The following ILDR2 variants were observed in gnomAD, a reference collection of about 807,000 sequenced individuals.
The protein encoded by ILDR2 is immunoglobulin like domain containing receptor 2.
Under a neutral mutation model 66.8 loss-of-function variants are expected in ILDR2, and 25 were observed. The observed-to-expected ratio is 0.37, with a 90% CI of 0.27 to 0.52. The LOEUF (loss-of-function observed/expected upper bound fraction) is 0.52, where lower values mean the gene tolerates loss of function less well. Ranked by LOEUF, ILDR2 falls within the 20% of genes least tolerant of loss-of-function variation. ILDR2 has a pLI of 0.88. For synonymous variants in ILDR2, 367 were observed against 357.2 expected (o/e 1.03, Z -0.31); for missense variants, 827 against 876.8 (o/e 0.94, Z 0.72).
At chr1:166,971,291 T>C (rs887510857) in intron 1 of ILDR2, among the ~76,000 whole-genome samples, 1 of 152,218 alleles carries the variant, frequency 6.6e-6, no homozygotes, top group East Asian at 1.9e-4. Context: ...TCACTGACTA[T>C]TCATGAACAA....
In ILDR2 at chr1:166,936,740, G is replaced by A. The variant is rs112724349; in HGVS notation, c.557-3C>T. ...CACCAGGCCAACAAACACCCACTCT[G>A]GAAGGATGCACAAAGAAATCCACAC... On this transcript the variant is annotated splice_region_variant and splice_polypyrimidine_tract_variant and intron_variant, in intron 4 of 9. Coordinates refer to ENST00000271417, the MANE Select transcript of ILDR2 (RefSeq NM_199351.3). The surrounding 1 kb of genome is among the most constrained non-coding windows in gnomAD (Gnocchi z 5.0). 2.2e-4 allele frequency: 361 copies of A among 1,614,030 alleles called. 1 individual carries two copies. The African/African-American group carries it at 4.3e-3, about 19-fold the overall frequency.
In ILDR2 at chr1:166,935,484, A is replaced by C; in HGVS notation, c.704-7T>G. On this transcript the variant is annotated splice_region_variant and splice_polypyrimidine_tract_variant and intron_variant, in intron 5 of 9. Coordinates refer to ENST00000271417, the MANE Select transcript of ILDR2 (RefSeq NM_199351.3). ...GCTTTCCCTGCTTCATACACTGTGGAGGGAGATCAAGAGCAAGAGAGATTA... is the reference window on the plus strand; with the variant it reads ...GCTTTCCCTGCTTCATACACTGTGGCGGGAGATCAAGAGCAAGAGAGATTA... The C allele has an allele frequency of 1.3e-6, 2 of 1,564,062 alleles. No individual in the cohort carries two copies. Among genetic ancestry groups the C allele is most frequent in the Non-Finnish European group, 1.7e-6 (2 of 1,157,100 alleles).
chr1:166,935,350 C>T lies in ILDR2; in HGVS notation c.831G>A (p.Pro277=), dbSNP rs528461366. Residue 277 remains proline, a synonymous_variant, in exon 6 of 10, where the codon CCG becomes CCA. Coordinates refer to ENST00000271417, the MANE Select transcript of ILDR2 (RefSeq NM_199351.3). ...CACTTGGTGCCAAGGGAGGTGGATGCGGCTTGTCCATCAGCATGCCAGATG... is the reference window on the plus strand; with the variant it reads ...CACTTGGTGCCAAGGGAGGTGGATGTGGCTTGTCCATCAGCATGCCAGATG... The part of the protein sequence containing the change: ...APSSGMLMDK[P]HPPPLAPSDS... 3.0e-5 allele frequency: 49 copies of T among 1,613,996 alleles called. No individual in the cohort carries two copies. The South Asian group carries it at 3.2e-4, about 10-fold the overall frequency.
intron 7 of ILDR2, among the ~76,000 whole-genome samples, chr1:166,924,932 C>G (rs761594296): frequency 6.6e-6 from 1 of 152,056 alleles, no homozygotes; most frequent in African/African-American, 2.4e-5. Flanking sequence ...GGAAGGATCC[C>G]TTGAGCCCAG....
At position 166,951,824 on chromosome 1, in the gene ILDR2, T is replaced by C. The variant is rs534879939; in HGVS notation, c.499+4909A>G. Among the ~76,000 whole-genome samples the C allele has an allele frequency of 1.4e-4, 21 of 152,318 alleles. No individual in the cohort carries two copies. In the South Asian group the frequency reaches 4.4e-3, roughly 32 times the overall value. On this transcript the variant is annotated intron_variant, in intron 3 of 9. Coordinates refer to ENST00000271417, the MANE Select transcript of ILDR2 (RefSeq NM_199351.3). The stretch of plus-strand genomic sequence containing the variant: ...ATTAAAAGTTCATCAGAGGAGTTTC[T>C]TATAATTTCCCTCAACCATCCATAG...
chr1:166,920,194 T>C (rs1659823085), intron 9 of ILDR2, among the ~76,000 whole-genome samples: 1 of 152,154 alleles, frequency 6.6e-6, no homozygotes, highest in Non-Finnish European at 1.5e-5. Context: ...AGGACAGACA[T>C]GAGTTGTCCT....
At position 166,911,959 on chromosome 1, in the gene ILDR2, T is replaced by C. The variant is rs1172879369; in HGVS notation, c.*7396A>G. ...AGAGTTTAAAAAGAAGAGGAAATAT[T>C]TGATGTGTTAATATAGCTGAGAGTT... is the stretch of plus-strand genomic sequence containing the variant. On this transcript the variant is annotated 3_prime_UTR_variant, in exon 10 of 10. Transcript: ENST00000271417. 3.9e-5 allele frequency: 6 copies of C among 152,050 alleles called. No homozygotes were observed. The highest frequency in any genetic ancestry group is 7.4e-5 in the Non-Finnish European group (5 of 67,986). 9.4% of individuals were successfully genotyped at this position (152,050 alleles called of 1,614,324 possible).
intron 3 of ILDR2, among the ~76,000 whole-genome samples, chr1:166,955,602 C>T (rs895835823): frequency 2.0e-5 from 3 of 151,806 alleles, no homozygotes; most frequent in Non-Finnish European, 4.4e-5. Flanking sequence ...GACTCTGTCT[C>T]AAAAATAAAA....
At chr1:166,970,847 G>A (rs935939064) in intron 1 of ILDR2, among the ~76,000 whole-genome samples, 5 of 152,178 alleles carry the variant, frequency 3.3e-5, no homozygotes, top group Non-Finnish European at 7.3e-5. Flanking sequence ...CTAAAGTGAC[G>A]AAAGAAGATG....
intron 3 of ILDR2, among the ~76,000 whole-genome samples, chr1:166,946,952 AATG>A (rs1661647319): frequency 6.6e-6 from 1 of 152,206 alleles, no homozygotes; most frequent in South Asian, 2.1e-4. Flanking sequence ...AACCGGAAAA[AATG>A]ATCACTGAAT....
chr1:166,916,560 A>C lies in ILDR2; in HGVS notation c.*2795T>G, dbSNP rs1659652522. 1 of 152,268 alleles carries C rather than the reference A, an allele frequency of 6.6e-6. No individual in the cohort carries two copies. Among genetic ancestry groups the C allele is most frequent in the Middle Eastern group, 3.1e-3 (1 of 318 alleles). The allele number at this position is 152,268 out of a possible 1,614,324, so 9.4% of individuals were successfully genotyped here. On this transcript the variant is annotated 3_prime_UTR_variant, in exon 10 of 10. Coordinates refer to ENST00000271417, the MANE Select transcript of ILDR2 (RefSeq NM_199351.3). ...TGCAGGACACACTATTCAAAGGAGA[A>C]GAAACAAAAGGACACATAGAGGAAA... is the stretch of plus-strand genomic sequence containing the variant.
chr1:166,919,368 G>C lies in ILDR2; in HGVS notation c.1907C>G (p.Ser636Cys), dbSNP rs1256253720. 1.2e-6 allele frequency: 2 copies of C among 1,610,164 alleles called. No homozygotes were observed. Among genetic ancestry groups the C allele is most frequent in the Non-Finnish European group, 1.7e-6 (2 of 1,176,842 alleles). ...KKTNDFPTRM[S>C]LVV Reference sequence around the variant, plus strand: ...ATGTTGACAACATCAGACCACAAGGGACATCCTGGTTGGAAAGTCATTCTA... The same window carrying C: ...ATGTTGACAACATCAGACCACAAGGCACATCCTGGTTGGAAAGTCATTCTA... Residue 636 changes from serine to cysteine, a missense_variant, in exon 10 of 10, where the codon TCC (serine) becomes TGC (cysteine). By Grantham distance (112) the Ser-to-Cys change is moderately radical. This residue lies in a region of ILDR2 where 390 missense variants were observed against 353.6 expected (regional missense o/e 1.10). Transcript: ENST00000271417.
rs1557921409 is a variant in ILDR2 at position 166,909,783 on chromosome 1, ATATATATAT to A, written c.*9563_*9571del. 3.8e-5 allele frequency: 3 copies of A among 79,438 alleles called. No homozygotes were observed. The highest frequency in any genetic ancestry group is 7.6e-5 in the Non-Finnish European group (3 of 39,614). 4.9% of individuals were successfully genotyped at this position (79,438 alleles called of 1,614,324 possible). On this transcript the variant is annotated 3_prime_UTR_variant, in exon 10 of 10. Coordinates refer to ENST00000271417, the MANE Select transcript of ILDR2 (RefSeq NM_199351.3). ...TAAATATATATAAATATATATATTT[ATATATATAT>A]ATATATATATATATCCTTCTAGCTT...
At chr1:166,954,034 T>C (rs1662133295) in intron 3 of ILDR2, among the ~76,000 whole-genome samples, 1 of 152,234 alleles carries the variant, frequency 6.6e-6, no homozygotes, top group Non-Finnish European at 1.5e-5. Context: ...TTCTCTCTTC[T>C]ATATAATTTC....
chr1:166,900,586 G>C (rs1294572895), intron 2 of ILDR2, among the ~76,000 whole-genome samples: 2 of 152,148 alleles, frequency 1.3e-5, no homozygotes, highest in African/African-American at 4.8e-5. Context: ...TCAAAGATGG[G>C]TAAACCACAG....
chr1:166,935,671 C>G lies in ILDR2; in HGVS notation c.704-194G>C, dbSNP rs530740196. Among the ~76,000 whole-genome samples, 32 of 152,282 alleles carry G rather than the reference C, an allele frequency of 2.1e-4. No homozygotes were observed. In the South Asian group the frequency reaches 6.4e-3, roughly 31 times the overall value. On this transcript the variant is annotated intron_variant, in intron 5 of 9. Coordinates refer to ENST00000271417, the MANE Select transcript of ILDR2 (RefSeq NM_199351.3). ...CACTCCCTCGGACTCTCCAGCTCCA[C>G]CAAACGGCAACGACAAAAGGAATTA... is the stretch of plus-strand genomic sequence containing the variant.
intron 2 of ILDR2, 31 bp from the exon 3 acceptor site, chr1:166,956,883 A>C: frequency 6.2e-7 from 1 of 1,609,836 alleles, no homozygotes; most frequent in East Asian, 2.2e-5. Context: ...ACTCAGTCCT[A>C]AAACTCTGTC....
intron 1 of ILDR2, among the ~76,000 whole-genome samples, chr1:166,970,487 T>C (rs1663220002): frequency 6.6e-6 from 1 of 152,182 alleles, no homozygotes; most frequent in Non-Finnish European, 1.5e-5. Flanking sequence ...AAGTTAACTT[T>C]AAAAATCACC....
rs1557921369 is a variant in ILDR2, at chr1:166,909,779, ATTT to A, written c.*9573_*9575del. ...TATATAAATATATATAAATATATAT[ATTT>A]ATATATATATATATATATATATATC... is the stretch of plus-strand genomic sequence containing the variant. On this transcript the variant is annotated 3_prime_UTR_variant, in exon 10 of 10. Coordinates refer to ENST00000271417, the MANE Select transcript of ILDR2 (RefSeq NM_199351.3). 1,093 of 40,186 alleles carry A rather than the reference ATTT, an allele frequency of 0.027. 6 individuals are homozygous for A. Among genetic ancestry groups the A allele is most frequent in the Non-Finnish European group, 0.038 (793 of 21,042 alleles). The allele number at this position is 40,186 out of a possible 1,614,324, so 2.5% of individuals were successfully genotyped here. A position where few individuals can be genotyped will look rare whatever the true frequency, so the allele number is the denominator to read the frequency against.
Sources: gnomAD v4.1 joint callset for allele counts (sites outside exome capture counted in the v4.1 genomes callset) on GRCh38, gnomAD v4.1.1 for gene constraint, gnomAD v4.1.1 regional missense constraint, Gnocchi (gnomAD v3.1) non-coding constraint, MANE v1.5 for transcripts, NCBI Gene and HGNC (gene_info 2026-07-23, HGNC 2026-07-21) for gene names.